CNTN6: variants seen among roughly 807,000 people sequenced by gnomAD.
CNTN6 encodes the protein contactin 6, also known as contactin-6.
In CNTN6, 137 loss-of-function variants were observed where a neutral mutation model predicts 122.8. The ratio of observed to expected loss-of-function variants is 1.12; its 90% CI spans 0.97 to 1.29. CNTN6 has a LOEUF of 1.29. Ranked by LOEUF, CNTN6 falls within the 50% of genes most tolerant of loss-of-function variation. CNTN6 has a pLI of 0.00. For missense variants in CNTN6, 1,634 were observed against 1,223.4 expected (o/e 1.34, Z -5.01); for synonymous variants, 570 against 426.0 (o/e 1.34, Z -4.16).
At chr3:1,133,729 C>T (rs1260315480) in intron 1 of CNTN6, among the ~76,000 whole-genome samples, 1 of 152,198 alleles carries the variant, frequency 6.6e-6, no homozygotes, top group East Asian at 1.9e-4. Context: ...GCAAGATAAA[C>T]TCCTAGATTA....
intron 2 of CNTN6, among the ~76,000 whole-genome samples, chr3:1,158,597 G>A (rs2093030579): frequency 6.6e-6 from 1 of 151,288 alleles, no homozygotes; most frequent in Non-Finnish European, 1.5e-5. Flanking sequence ...GCAGCGGGCA[G>A]GATTTTCCTC....
chr3:1,261,375 G>C (rs547180115), intron 4 of CNTN6, among the ~76,000 whole-genome samples: 4 of 152,172 alleles, frequency 2.6e-5, no homozygotes, highest in Non-Finnish European at 5.9e-5. Context: ...GTCATTGTGG[G>C]CAATTGTGGC....
chr3:1,297,446 T>C (rs1330709708), intron 6 of CNTN6, among the ~76,000 whole-genome samples: 1 of 152,030 alleles, frequency 6.6e-6, no homozygotes, highest in Non-Finnish European at 1.5e-5. Flanking sequence ...TTAAAACAAA[T>C]TCGTATAGGT....
At chr3:1,114,202 A>G (rs1390945565) in intron 1 of CNTN6, among the ~76,000 whole-genome samples, 1 of 152,188 alleles carries the variant, frequency 6.6e-6, no homozygotes, top group African/African-American at 2.4e-5. Context: ...AAGATAAAAG[A>G]AAGGAGAAGA....
chr3:1,177,898 A>ATTTTTTTTTTTTT (rs11303380), intron 2 of CNTN6, among the ~76,000 whole-genome samples: 1 of 133,418 alleles, frequency 7.5e-6, no homozygotes, highest in Non-Finnish European at 1.6e-5. Flanking sequence ...TGCCCTTTCC[A>ATTTTTTTTTTTTT]TTTTTTTTTT....
intron 2 of CNTN6, among the ~76,000 whole-genome samples, chr3:1,149,621 G>A (rs3772374): frequency 0.094 from 14,306 of 152,162 alleles, 867 homozygotes; most frequent in East Asian, 0.27. Flanking sequence ...AGTGATTACA[G>A]TATTTTGATT....
At chr3:1,119,676 T>G (rs1485259765) in intron 1 of CNTN6, among the ~76,000 whole-genome samples, 1 of 152,024 alleles carries the variant, frequency 6.6e-6, no homozygotes, top group Non-Finnish European at 1.5e-5. Flanking sequence ...TTATTCACTT[T>G]CCATCACCCC....
At chr3:1,265,136 C>G (rs1267095409) in intron 4 of CNTN6, among the ~76,000 whole-genome samples, 1 of 145,142 alleles carries the variant, frequency 6.9e-6, no homozygotes, top group East Asian at 2.0e-4. Flanking sequence ...ATGATGGACA[C>G]TTAACTTGCT....
Position 1,295,796 on chromosome 3 carries a change from G to T in CNTN6, c.650G>T (p.Arg217Leu). 3 of 1,613,114 alleles carry T rather than the reference G, an allele frequency of 1.9e-6. No homozygotes were observed. Among genetic ancestry groups the T allele is most frequent in the Non-Finnish European group, 2.5e-6 (3 of 1,179,144 alleles). ...VQGPPTPLVQ[R>L]TDGVMGEYEP... is the part of the protein sequence containing the mutation. ...GGTCCACCCACTCCATTAGTGCAGC[G>T]CACTGATGGTAAGATAATGAGTTAT... The change falls in exon 6 of 23, where the codon CGC becomes CTC. Residue 217 changes from arginine to leucine, a missense_variant. Arg to Leu is a moderately radical substitution (Grantham distance 102). Transcript: ENST00000446702.
intron 7 of CNTN6, among the ~76,000 whole-genome samples, chr3:1,300,491 GGA>G (rs200479316): frequency 0.024 from 2,653 of 110,492 alleles, 113 homozygotes; most frequent in African/African-American, 0.14. Flanking sequence ...AAGGAAGGAA[GGA>G]AAAAGAAAAG....
chr3:1,183,858 C>T (rs2093593577), intron 2 of CNTN6, among the ~76,000 whole-genome samples: 2 of 152,182 alleles, frequency 1.3e-5, no homozygotes, highest in African/African-American at 4.8e-5. Context: ...CAAGGGGTCA[C>T]TCATGACTGG....
chr3:1,113,815 A>G (rs574690070), intron 1 of CNTN6, among the ~76,000 whole-genome samples: 2 of 151,050 alleles, frequency 1.3e-5, no homozygotes, highest in Non-Finnish European at 2.9e-5. Flanking sequence ...GAATACTCAT[A>G]TATAATGGCA....
intron 5 of CNTN6, among the ~76,000 whole-genome samples, chr3:1,283,717 C>T (rs998091191): frequency 9.2e-5 from 14 of 152,132 alleles, no homozygotes; most frequent in South Asian, 6.2e-4. Flanking sequence ...ATGAAACTCT[C>T]GGCGGGGCTC....
chr3:1,379,058 A>G (rs911739254), intron 17 of CNTN6, among the ~76,000 whole-genome samples: 22 of 152,178 alleles, frequency 1.4e-4, no homozygotes, highest in African/African-American at 4.8e-4. Flanking sequence ...CTGACTTAAT[A>G]ACTTATTTTG....
At chr3:1,217,017 T>G (rs2094139091) in intron 2 of CNTN6, among the ~76,000 whole-genome samples, 1 of 152,202 alleles carries the variant, frequency 6.6e-6, no homozygotes, top group Non-Finnish European at 1.5e-5. Context: ...TGACTATATA[T>G]CTACTCATTG....
At chr3:1,397,680 C>T (rs1695154997) in intron 20 of CNTN6, among the ~76,000 whole-genome samples, 1 of 152,076 alleles carries the variant, frequency 6.6e-6, no homozygotes, top group South Asian at 2.1e-4. Context: ...TATTCAGACG[C>T]AATAACTAAA....
intron 7 of CNTN6, among the ~76,000 whole-genome samples, chr3:1,320,498 G>A (rs1197470364): frequency 1.3e-5 from 2 of 151,638 alleles, no homozygotes; most frequent in Non-Finnish European, 2.9e-5. Context: ...AGTTGGATGA[G>A]CCTCCCACAT....
chr3:1,160,757 T>C (rs1326688669), intron 2 of CNTN6, among the ~76,000 whole-genome samples: 2 of 152,056 alleles, frequency 1.3e-5, no homozygotes, highest in Non-Finnish European at 2.9e-5. Context: ...CTCATTTTTA[T>C]TTATCTCTAG....
At chr3:1,164,367 T>G (rs905436232) in intron 2 of CNTN6, among the ~76,000 whole-genome samples, 3 of 152,262 alleles carry the variant, frequency 2.0e-5, no homozygotes, top group African/African-American at 7.2e-5. Context: ...GCAGTATCAC[T>G]GTGATATTTC....
Sources: gnomAD v4.1 joint callset for allele counts (sites outside exome capture counted in the v4.1 genomes callset) on GRCh38, gnomAD v4.1.1 for gene constraint, MANE v1.5 for transcripts, NCBI Gene and HGNC (gene_info 2026-07-23, HGNC 2026-07-21) for gene names.